SNRNP27: variants seen among roughly 807,000 people sequenced by gnomAD.
The protein encoded by SNRNP27 is small nuclear ribonucleoprotein U4/U6.U5 subunit 27.
In SNRNP27, 22 loss-of-function variants were observed where a neutral mutation model predicts 25.1. The observed-to-expected ratio is 0.88, with a 90% CI of 0.63 to 1.25. The LOEUF (loss-of-function observed/expected upper bound fraction) is 1.25, where lower values mean the gene tolerates loss of function less well. Among genes scored for constraint, SNRNP27 ranks in the 50% most tolerant of loss-of-function variants. The pLI is 0.00. For missense variants in SNRNP27, 150 were observed against 202.3 expected (o/e 0.74, Z 1.57); for synonymous variants, 66 against 64.9 (o/e 1.02, Z -0.08).
At chr2:69,897,567 C>G (rs1676627150) in intron 4 of SNRNP27, 111 bp downstream of exon 4, 1 of 857,422 alleles carries the variant, frequency 1.2e-6, no homozygotes, top group Non-Finnish European at 1.9e-6. Context: ...CAATAACTAT[C>G]TGTTTGAAGG....
intron 4 of SNRNP27, 154 bp downstream of exon 4, chr2:69,897,610 T>C (rs2104116292): frequency 8.0e-6 from 5 of 623,640 alleles, no homozygotes; most frequent in South Asian, 2.1e-5. Flanking sequence ...AACAGTGAAC[T>C]GCCATTGGAA....
chr2:69,900,234 T>A (rs1431431297), intron 4 of SNRNP27, among the ~76,000 whole-genome samples: 1 of 152,118 alleles, frequency 6.6e-6, no homozygotes, highest in South Asian at 2.1e-4. Context: ...GGTTTCAAAG[T>A]TTGGTTTTGT....
chr2:69,902,195 TCCTCCTTCCTCCTTCCTCCTC>T (rs1426271389), intron 4 of SNRNP27, among the ~76,000 whole-genome samples: 2 of 39,422 alleles, frequency 5.1e-5, no homozygotes, highest in South Asian at 7.1e-4. Flanking sequence ...CTCTCCTCCT[TCCTCCTTCCTCCTTCCTCCTC>T]CCTCCTTCCT....
At chr2:69,895,050 T>G (rs2104111636) in intron 1 of SNRNP27, 44 bp from the exon 2 acceptor site, 1 of 1,608,654 alleles carries the variant, frequency 6.2e-7, no homozygotes, top group East Asian at 2.2e-5. Context: ...CTCTAGATAT[T>G]TGAGGTAATT....
intron 2 of SNRNP27, 123 bp from the exon 3 acceptor site, chr2:69,896,313 T>C (rs1213153175): frequency 1.8e-5 from 16 of 896,272 alleles, no homozygotes; most frequent in Non-Finnish European, 2.7e-5. Flanking sequence ...CAGAACCTTT[T>C]TCCTCACTTT....
At position 69,903,121 on chromosome 2, in the gene SNRNP27, G is replaced by A. The variant is rs1676738630; in HGVS notation, c.349-60G>A. ...CCACTGCCACCACACCTGCTTTCAT[G>A]TATCCTGATTTAATGTATCCTTCCT... is the stretch of plus-strand genomic sequence containing the variant. On this transcript the variant is annotated intron_variant, in intron 4 of 5. Coordinates refer to ENST00000244227, the MANE Select transcript of SNRNP27 (RefSeq NM_006857.3). 4 of 1,340,302 alleles carry A rather than the reference G, an allele frequency of 3.0e-6. No individual in the cohort carries two copies. The South Asian group carries it at 4.7e-5, about 16-fold the overall frequency. 83.0% of individuals were successfully genotyped at this position (1,340,302 alleles called of 1,614,324 possible). A position where few individuals can be genotyped will look rare whatever the true frequency, so the allele number is the denominator to read the frequency against.
chr2:69,903,377 A>G, intron 5 of SNRNP27, 132 bp downstream of exon 5: 4 of 706,878 alleles, frequency 5.7e-6, no homozygotes, highest in Non-Finnish European at 9.9e-6. Flanking sequence ...TGAAATATTC[A>G]TTGCTTATAT....
intron 3 of SNRNP27, among the ~76,000 whole-genome samples, chr2:69,896,879 A>G (rs1237260586): frequency 6.6e-6 from 1 of 151,866 alleles, no homozygotes; most frequent in African/African-American, 2.4e-5. Flanking sequence ...TCACCATGTT[A>G]GCCAGGCTGG....
At chr2:69,895,329 G>T in intron 2 of SNRNP27, 115 bp downstream of exon 2, 1 of 1,309,094 alleles carries the variant, frequency 7.6e-7, no homozygotes, top group East Asian at 2.5e-5. Context: ...TCCTGAAATG[G>T]AGGAAACTTA....
chr2:69,895,535 C>A (rs1438266136), intron 2 of SNRNP27, among the ~76,000 whole-genome samples: 1 of 151,974 alleles, frequency 6.6e-6, no homozygotes, highest in East Asian at 1.9e-4. Context: ...CTTTTCTTTT[C>A]CTTTTCCTTT....
rs377454966 is a variant in SNRNP27, at chr2:69,903,251, C to T, written c.413+6C>T. On this transcript the variant is annotated splice_donor_region_variant and intron_variant, in intron 5 of 5. Transcript: ENST00000244227. The stretch of plus-strand genomic sequence containing the variant: ...TCTCAGAAGAGGAAGTACAGGTATG[C>T]ATAGCCCCCATTATTATGTTTGAAC... The T allele has an allele frequency of 6.3e-7, 1 of 1,592,976 alleles. No homozygotes were observed. Among genetic ancestry groups the T allele is most frequent in the Non-Finnish European group, 8.6e-7 (1 of 1,160,912 alleles).
At chr2:69,902,265 T>TCTCCTTCCTCCTCCTCCTTC (rs1464916570) in intron 4 of SNRNP27, among the ~76,000 whole-genome samples, 3 of 144,290 alleles carry the variant, frequency 2.1e-5, no homozygotes, top group Admixed American at 6.8e-5. Context: ...CCTTCTTTCT[T>TCTCCTTCCTCCTCCTCCTTC]CTCCTTCCTC....
intron 5 of SNRNP27, chr2:69,903,447 G>T: frequency 3.9e-6 from 2 of 516,152 alleles, no homozygotes; most frequent in Non-Finnish European, 6.9e-6. Context: ...TAGAGAGAGG[G>T]TAGTTGGCTT....
rs1377345832 is a variant in SNRNP27 at position 69,896,684 on chromosome 2, T to TC, written c.268+136_268+137insC. ...GTTTTGAGTTTTTTTTGGTTTTTTT[T>TC]TTTTTGAGATAGAGTTTCATTCTTG... On this transcript the variant is annotated intron_variant, in intron 3 of 5. Transcript: ENST00000244227. 3.3e-5 allele frequency: 29 copies of TC among 885,322 alleles called. No individual in the cohort carries two copies. The East Asian group carries it at 8.2e-4, about 25-fold the overall frequency. 54.8% of individuals were successfully genotyped at this position (885,322 alleles called of 1,614,324 possible).
intron 3 of SNRNP27, among the ~76,000 whole-genome samples, chr2:69,896,755 C>G (rs995347115): frequency 7.9e-5 from 12 of 151,476 alleles, no homozygotes; most frequent in African/African-American, 2.7e-4. Context: ...TCACTGCAAC[C>G]TCCGCCTCCT....
chr2:69,896,580 A>G (rs1221428338), intron 3 of SNRNP27, 32 bp downstream of exon 3: 14 of 1,542,378 alleles, frequency 9.1e-6, no homozygotes, highest in South Asian at 2.3e-5. Flanking sequence ...CTGTAGGAAA[A>G]GTACAGTGAT....
chr2:69,894,380 G>C (rs1179016052), intron 1 of SNRNP27, among the ~76,000 whole-genome samples: 1 of 152,194 alleles, frequency 6.6e-6, no homozygotes, highest in Admixed American at 6.5e-5. Flanking sequence ...CCCAGAATGA[G>C]TCATTGAGGG....
rs139855924 is a variant in SNRNP27, at chr2:69,895,342, C to G, written c.155+128C>G. On this transcript the variant is annotated intron_variant, in intron 2 of 5. Coordinates refer to ENST00000244227, the MANE Select transcript of SNRNP27 (RefSeq NM_006857.3). The stretch of plus-strand genomic sequence containing the variant: ...TTTCCTGAAATGGAGGAAACTTAAT[C>G]CAACCTTATTCTAAAGCTAACATTC... 691 of 1,155,768 alleles carry G rather than the reference C, an allele frequency of 6.0e-4. 3 individuals carry two copies. The African/African-American group carries it at 9.7e-3, about 16-fold the overall frequency. 71.6% of individuals were successfully genotyped at this position (1,155,768 alleles called of 1,614,324 possible). A position where few individuals can be genotyped will look rare whatever the true frequency, so the allele number is the denominator to read the frequency against.
intron 4 of SNRNP27, among the ~76,000 whole-genome samples, chr2:69,901,840 T>C (rs984146035): frequency 1.3e-5 from 2 of 152,106 alleles, no homozygotes; most frequent in African/African-American, 2.4e-5. Context: ...ATTTTTAAAA[T>C]GAACAAAAAA....
Sources: gnomAD v4.1 joint callset for allele counts (sites outside exome capture counted in the v4.1 genomes callset) on GRCh38, gnomAD v4.1.1 for gene constraint, MANE v1.5 for transcripts, NCBI Gene and HGNC (gene_info 2026-07-23, HGNC 2026-07-21) for gene names.